ALMS1: variants seen among roughly 807,000 people sequenced by gnomAD.
ALMS1 encodes ALMS1 centrosome and basal body associated protein.
ALMS1 carries 271 observed loss-of-function variants against 352.2 expected under a neutral mutation model. The ratio of observed to expected loss-of-function variants is 0.77; its 90% CI spans 0.70 to 0.85. The LOEUF is 0.85. Among genes scored for constraint, ALMS1 ranks in the 40% least tolerant of loss-of-function variants. The probability of loss-of-function intolerance (pLI) is 0.00; values close to 1 mark genes in which losing one functional copy is unlikely to be tolerated. For synonymous variants in ALMS1, 1,865 were observed against 1,761.2 expected, an observed-to-expected ratio of 1.06 and a Z score of -1.48; for missense variants, 5,445 against 4,870.7, an observed-to-expected ratio of 1.12 and a Z score of -3.51.
intron 15 of ALMS1, 95 bp downstream of exon 15, chr2:73,559,237 C>A: frequency 6.9e-7 from 1 of 1,454,458 alleles, no homozygotes. Flanking sequence ...AGAATATAGC[C>A]TCATGATTAA....
At chr2:73,569,663 T>G (rs564519038) in intron 15 of ALMS1, among the ~76,000 whole-genome samples, 1 of 152,342 alleles carries the variant, frequency 6.6e-6, no homozygotes, top group East Asian at 1.9e-4. Flanking sequence ...GCTACCTTAC[T>G]TTCCTCTGCT....
intron 9 of ALMS1, among the ~76,000 whole-genome samples, chr2:73,456,185 G>A (rs1282386770): frequency 6.6e-6 from 1 of 151,724 alleles, no homozygotes; most frequent in Non-Finnish European, 1.5e-5. Flanking sequence ...TTCTTATTTT[G>A]ATATATAATG....
intron 9 of ALMS1, among the ~76,000 whole-genome samples, chr2:73,488,552 C>G: frequency 6.6e-6 from 1 of 152,268 alleles, no homozygotes; most frequent in East Asian, 1.9e-4. Context: ...TCCTGCCCCT[C>G]CAACTCAGAA....
In ALMS1 at chr2:73,449,199, C is replaced by T. The variant is rs781396327; in HGVS notation, c.2672C>T (p.Pro891Leu). 1.2e-6 allele frequency: 2 copies of T among 1,614,122 alleles called. No homozygotes were observed. Among genetic ancestry groups the T allele is most frequent in the Admixed American group, 1.7e-5 (1 of 60,010 alleles). Residue 891 changes from proline to leucine, a missense_variant, in exon 8 of 23, where the codon CCT becomes CTT. Physicochemically the swap from Pro to Leu is moderately conservative, Grantham distance 98 (BLOSUM62 -3). Transcript: ENST00000613296. Reference protein sequence around the residue: ...TEEALKVSIVPGPGDQKTGIP... With the variant: ...TEEALKVSIVLGPGDQKTGIP... ...GAGGCTCTGAAAGTATCAATTGTTCCTGGACCAGGTGATCAGAAGACTGGG... is the reference window on the plus strand; with the variant it reads ...GAGGCTCTGAAAGTATCAATTGTTCTTGGACCAGGTGATCAGAAGACTGGG...
intron 9 of ALMS1, among the ~76,000 whole-genome samples, chr2:73,484,396 T>C (rs1281936346): frequency 6.6e-6 from 1 of 151,310 alleles, no homozygotes; most frequent in Non-Finnish European, 1.5e-5. Flanking sequence ...ATGTTGAATA[T>C]TGGCCCCCAC....
At chr2:73,461,346 G>A (rs993734528) in intron 9 of ALMS1, among the ~76,000 whole-genome samples, 30 of 152,340 alleles carry the variant, frequency 2.0e-4, no homozygotes, top group East Asian at 1.3e-3. Flanking sequence ...GGCAAACAGG[G>A]TCTGGAGTGG....
chr2:73,466,019 A>G (rs1395402701), intron 9 of ALMS1, among the ~76,000 whole-genome samples: 5 of 600 alleles, frequency 8.3e-3, no homozygotes, highest in South Asian at 0.5. Flanking sequence ...AAATAGGAAC[A>G]CTTTACACTG....
Position 73,487,520 on chromosome 2 carries a change from C to T in ALMS1, c.7675-2114C>T, listed in dbSNP as rs528103687. ...CAAAGAGGGTGTCATAGTCCTGGCT[C>T]AGGGACCCCCTAGGTCTGGGCTTCC... is the stretch of plus-strand genomic sequence containing the variant. On this transcript the variant is annotated intron_variant, in intron 9 of 22. Transcript: ENST00000613296. Among the ~76,000 whole-genome samples the T allele has an allele frequency of 7.2e-5, 11 of 152,250 alleles. No individual in the cohort carries two copies. In the South Asian group the frequency reaches 1.0e-3, roughly 14 times the overall value.
In ALMS1 at chr2:73,572,479, C is replaced by T; in HGVS notation, c.10602C>T (p.Asn3534=). 2 of 1,613,924 alleles carry T rather than the reference C, an allele frequency of 1.2e-6. No homozygotes were observed. The highest frequency in any genetic ancestry group is 1.7e-6 in the Non-Finnish European group (2 of 1,179,960). The change falls in exon 16 of 23, where the codon AAC becomes AAT. Residue 3534 remains asparagine, a synonymous_variant. Coordinates refer to ENST00000613296, the MANE Select transcript of ALMS1 (RefSeq NM_001378454.1). ...TGTGTCTTCCTCTTCCTTATCAAAACATGGACAAGACTAAGACAGATTATA... is the reference window on the plus strand; with the variant it reads ...TGTGTCTTCCTCTTCCTTATCAAAATATGGACAAGACTAAGACAGATTATA... ...EHMCLPLPYQ[N]MDKTKTDYTR... is the part of the protein sequence containing the mutation.
At position 73,424,707 on chromosome 2, in the gene ALMS1, T is replaced by C. The variant is rs1045980350; in HGVS notation, c.1042T>C (p.Trp348Arg). 6.2e-7 allele frequency: 1 copy of C among 1,614,138 alleles called. No individual in the cohort carries two copies. The highest frequency in any genetic ancestry group is 1.1e-5 in the South Asian group (1 of 91,078). Residue 348 changes from tryptophan to arginine, a missense_variant, in exon 5 of 23, where the codon TGG becomes CGG. Physicochemically the swap from Trp to Arg is moderately radical, Grantham distance 101. Transcript: ENST00000613296. ...RYDDLCSYMS[W>R]KTRKDTQWPE... The stretch of plus-strand genomic sequence containing the variant: ...TGATGATCTTTGTTCATATATGTCA[T>C]GGAAGACACGAAAAGATACACAGTG...
intron 9 of ALMS1, among the ~76,000 whole-genome samples, chr2:73,475,808 T>G (rs551744702): frequency 6.6e-6 from 1 of 152,240 alleles, no homozygotes; most frequent in South Asian, 2.1e-4. Flanking sequence ...AAAGATTTAG[T>G]GTTTTCTTCT....
intron 2 of ALMS1, among the ~76,000 whole-genome samples, chr2:73,418,780 A>G (rs2103700332): frequency 6.6e-6 from 1 of 152,336 alleles, no homozygotes; most frequent in Middle Eastern, 3.4e-3. Context: ...CATGTGCCAT[A>G]ATATACAAAC....
chr2:73,467,698 A>G (rs1572950949), intron 9 of ALMS1, among the ~76,000 whole-genome samples: 2 of 152,070 alleles, frequency 1.3e-5, no homozygotes, highest in South Asian at 2.1e-4. Flanking sequence ...ATGTATATCA[A>G]GAGTAGAATA....
In ALMS1 at chr2:73,609,578, A is replaced by C; in HGVS notation, c.12473A>C (p.Asn4158Thr). ...RAQLYKKRVT[N>T]QLLGRKVPWD ...TCTTTTCTTCTACAGAGAGTGACCA[A>C]TCAACTTCTGGGGAGAAAAGTTCCC... is the stretch of plus-strand genomic sequence containing the variant. Residue 4158 changes from asparagine (N) to threonine (T), a missense_variant, in exon 23 of 23, where the codon AAT (asparagine) becomes ACT (threonine). By Grantham distance (65) the Asn-to-Thr change is moderately conservative. Coordinates refer to ENST00000613296, the MANE Select transcript of ALMS1 (RefSeq NM_001378454.1). 3 of 1,614,132 alleles carry C rather than the reference A, an allele frequency of 1.9e-6. No homozygotes were observed. Among genetic ancestry groups the C allele is most frequent in the Non-Finnish European group, 2.5e-6 (3 of 1,179,994 alleles).
At chr2:73,607,872 C>T (rs1031879318) in intron 21 of ALMS1, among the ~76,000 whole-genome samples, 3 of 150,992 alleles carry the variant, frequency 2.0e-5, no homozygotes, top group African/African-American at 4.9e-5. Flanking sequence ...CCATCTTGGC[C>T]AGGCTGCTCT....
At position 73,608,265 on chromosome 2, in the gene ALMS1, A is replaced by T. The variant is rs540915872; in HGVS notation, c.12363-210A>T. Among the ~76,000 whole-genome samples, 4 of 151,892 alleles carry T rather than the reference A, an allele frequency of 2.6e-5. No individual in the cohort carries two copies. The East Asian group carries it at 7.7e-4, about 29-fold the overall frequency. On this transcript the variant is annotated intron_variant, in intron 21 of 22. Transcript: ENST00000613296. ...CACATGTAAGCACTATTAGGATTTT[A>T]TTGTGTTTGTATTTATCTCCCCTTC... is the stretch of plus-strand genomic sequence containing the variant.
At chr2:73,553,355 G>A (rs754318909) in intron 13 of ALMS1, among the ~76,000 whole-genome samples, 5 of 152,168 alleles carry the variant, frequency 3.3e-5, no homozygotes, top group Admixed American at 1.3e-4. Context: ...GGCCAACACA[G>A]GAAATGGGAA....
At chr2:73,548,327 A>G (rs751424346) in intron 12 of ALMS1, among the ~76,000 whole-genome samples, 2 of 152,342 alleles carry the variant, frequency 1.3e-5, no homozygotes, top group African/African-American at 2.4e-5. Context: ...ACATAAATCT[A>G]TACTCGCACA....
chr2:73,466,501 G>T (rs1256014399), intron 9 of ALMS1, among the ~76,000 whole-genome samples: 1 of 119,856 alleles, frequency 8.3e-6, no homozygotes, highest in African/African-American at 3.3e-5. Flanking sequence ...GGGGGAGGGG[G>T]GAGGGGGGAG....
Sources: allele counts gnomAD v4.1 joint callset (sites outside exome capture counted in the v4.1 genomes callset), GRCh38; gene constraint gnomAD v4.1.1; transcripts MANE v1.5; gene names NCBI Gene and HGNC (gene_info 2026-07-23, HGNC 2026-07-21).